The following CAD variants were observed in gnomAD, a reference collection of about 807,000 sequenced individuals.
The protein encoded by CAD is multifunctional protein CAD.
A neutral mutation model predicts 237.2 loss-of-function variants in CAD; 81 were observed. The ratio of observed to expected loss-of-function variants is 0.34; its 90% CI spans 0.29 to 0.41. The LOEUF is 0.41. CAD is among the 10% of genes least tolerant of loss of function. CAD has a pLI of 1.00. For synonymous variants in CAD, 1,196 were observed against 1,162.8 expected, an observed-to-expected ratio of 1.03 and a Z score of -0.58; for missense variants, 2,181 against 2,951.7, an observed-to-expected ratio of 0.74 and a Z score of 6.05.
intron 2 of CAD, 85 bp downstream of exon 2, chr2:27,218,101 G>A: frequency 8.1e-7 from 1 of 1,229,808 alleles, no homozygotes; most frequent in Non-Finnish European, 1.1e-6. Context: ...TTGACACCCT[G>A]CTGGGCATCC....
Position 27,237,610 on chromosome 2 carries a change from C to G in CAD, c.4563+65C>G, listed in dbSNP as rs11682203. ...GCCCCTACCAGCCACCCTTGCTTCC[C>G]TGAGCCCTTTTCCTTCTGCCCCGCC... On this transcript the variant is annotated intron_variant, in intron 28 of 43. Coordinates refer to ENST00000264705, the MANE Select transcript of CAD (RefSeq NM_004341.5). The surrounding 1 kb of genome is among the most constrained non-coding windows in gnomAD (Gnocchi z 4.0). 4 of 1,582,648 alleles carry G rather than the reference C, an allele frequency of 2.5e-6. No homozygotes were observed. The African/African-American group carries it at 5.4e-5, about 21-fold the overall frequency.
At chr2:27,225,264 A>G in intron 11 of CAD, 21 bp downstream of exon 11, 3 of 1,453,438 alleles carry the variant, frequency 2.1e-6, no homozygotes, top group South Asian at 2.3e-5. Flanking sequence ...TGTTTGGGTA[A>G]AGGAAGAATG....
At position 27,232,588 on chromosome 2, in the gene CAD, C is replaced by T. The variant is rs562210626; in HGVS notation, c.2786C>T (p.Thr929Ile). 6.2e-6 allele frequency: 10 copies of T among 1,614,096 alleles called. No individual in the cohort carries two copies. The highest frequency in any genetic ancestry group is 1.1e-5 in the South Asian group (1 of 91,080). Reference protein sequence around the residue: ...LTYWGTTHDLTFRTPHVLVLG... With the variant: ...LTYWGTTHDLIFRTPHVLVLG... ...TATTGGGGCACCACCCATGACCTCA[C>T]CTTTCGAACACCTCATGTCCTAGTC... is the stretch of plus-strand genomic sequence containing the variant. Residue 929 changes from threonine (T) to isoleucine (I), a missense_variant, in exon 18 of 44, where the codon ACC becomes ATC. Thr to Ile is a moderately conservative substitution (Grantham distance 89). Transcript: ENST00000264705. This position sits in a 1 kb window ranked among gnomAD's most constrained non-coding sequence, Gnocchi z 4.1.
rs773583200 is a variant in CAD, at chr2:27,234,017, G to A, written c.3409G>A (p.Val1137Met). Residue 1137 changes from valine (V) to methionine (M), a missense_variant, in exon 22 of 44, where the codon GTG becomes ATG. Val to Met is a conservative substitution (Grantham distance 21). This residue lies in a region of CAD where 306 missense variants were observed against 607.9 expected (regional missense o/e 0.50). Transcript: ENST00000264705. ...KFIQEAKEID[V>M]DAVASDGVVA... The stretch of plus-strand genomic sequence containing the variant: ...TGTGTCCCCCCGCTAGGAGATTGAC[G>A]TGGATGCCGTGGCCTCTGATGGTGT... The A allele has an allele frequency of 1.1e-5, 17 of 1,613,734 alleles. No homozygotes were observed. The highest frequency in any genetic ancestry group is 6.6e-5 in the South Asian group (6 of 91,024).
chr2:27,226,813 C>G lies in CAD; in HGVS notation c.2157-19C>G. Reference sequence around the variant, plus strand: ...GCTTCCTTCACTGTCCTTCTGGCATCCCACCTGCTGGACCCCAGGAACTCT... The same window carrying G: ...GCTTCCTTCACTGTCCTTCTGGCATGCCACCTGCTGGACCCCAGGAACTCT... On this transcript the variant is annotated intron_variant, in intron 14 of 43. Transcript: ENST00000264705. 1 of 1,613,748 alleles carries G rather than the reference C, an allele frequency of 6.2e-7. No individual in the cohort carries two copies. Among genetic ancestry groups the G allele is most frequent in the African/African-American group, 1.3e-5 (1 of 75,056 alleles).
Position 27,241,066 on chromosome 2 carries a change from G to A in CAD, c.5647G>A (p.Gly1883Arg), listed in dbSNP as rs1676293768. ...SRKVAEPELMGTPDGTCYPPP... is the reference protein window; with the variant it reads ...SRKVAEPELMRTPDGTCYPPP... ...CCCATCCCTCACTGCAGAGCTGATG[G>A]GAACCCCTGATGGCACCTGCTACCC... Residue 1883 changes from glycine (G) to arginine (R), a missense_variant, in exon 37 of 44, where the codon GGA (glycine) becomes AGA (arginine). Around this residue, in one of 12 missense-constraint regions of CAD, gnomAD observed 203 missense variants for 284.5 expected, o/e 0.71. Transcript: ENST00000264705. The surrounding 1 kb of genome is among the most constrained non-coding windows in gnomAD (Gnocchi z 4.6). 1.2e-6 allele frequency: 2 copies of A among 1,610,476 alleles called. No homozygotes were observed. Among genetic ancestry groups the A allele is most frequent in the Middle Eastern group, 1.7e-4 (1 of 6,052 alleles).
rs2148097099 is a variant in CAD, at chr2:27,241,455, C to T, written c.5883+59C>T. ...ATCGCCTGCCCTTGGGCCGCATCAG[C>T]GCAGGGCCGCGCAGTGGTCAGAGTG... On this transcript the variant is annotated intron_variant, in intron 38 of 43. Coordinates refer to ENST00000264705, the MANE Select transcript of CAD (RefSeq NM_004341.5). The surrounding 1 kb of genome is among the most constrained non-coding windows in gnomAD (Gnocchi z 4.6). 8.0e-6 allele frequency: 12 copies of T among 1,505,974 alleles called. No individual in the cohort carries two copies. Among genetic ancestry groups the T allele is most frequent in the Non-Finnish European group, 1.0e-5 (11 of 1,082,800 alleles). The allele number at this position is 1,505,974 out of a possible 1,614,324, so 93.3% of individuals were successfully genotyped here. A position where few individuals can be genotyped will look rare whatever the true frequency, so the allele number is the denominator to read the frequency against.
chr2:27,222,849 T>C lies in CAD; in HGVS notation c.638-17T>C, dbSNP rs1558528230. On this transcript the variant is annotated splice_polypyrimidine_tract_variant and intron_variant, in intron 5 of 43. Coordinates refer to ENST00000264705, the MANE Select transcript of CAD (RefSeq NM_004341.5). ...TTGAAATACTGATTTTGATGTCATCTTTTCTGCCCACTCCAGAGTATGAGG... is the reference window on the plus strand; with the variant it reads ...TTGAAATACTGATTTTGATGTCATCCTTTCTGCCCACTCCAGAGTATGAGG... 6.2e-7 allele frequency: 1 copy of C among 1,612,348 alleles called. No homozygotes were observed. The highest frequency in any genetic ancestry group is 8.5e-7 in the Non-Finnish European group (1 of 1,178,606).
rs1188289663 is a variant in CAD at position 27,235,652 on chromosome 2, C to CT, written c.4074+13dup. On this transcript the variant is annotated intron_variant, in intron 25 of 43. Transcript: ENST00000264705. This position sits in a 1 kb window ranked among gnomAD's most constrained non-coding sequence, Gnocchi z 5.2. ...AGCATGGCGTCAAGGTGCAGGAACTCTGGCAACCTACCCCACTGCTGCCCT... is the reference window on the plus strand; with the variant it reads ...AGCATGGCGTCAAGGTGCAGGAACTCTTGGCAACCTACCCCACTGCTGCCCT... The CT allele has an allele frequency of 6.2e-7, 1 of 1,609,442 alleles. No individual in the cohort carries two copies. The highest frequency in any genetic ancestry group is 8.5e-7 in the Non-Finnish European group (1 of 1,175,902).
At chr2:27,228,267 T>C (rs998569423) in intron 15 of CAD, among the ~76,000 whole-genome samples, 24 of 152,324 alleles carry the variant, frequency 1.6e-4, no homozygotes, top group African/African-American at 5.5e-4. Context: ...TCTAGTTAAA[T>C]GAGACTCTGT....
At chr2:27,218,110 C>A in intron 2 of CAD, 94 bp downstream of exon 2, 1 of 1,138,184 alleles carries the variant, frequency 8.8e-7, no homozygotes, top group Non-Finnish European at 1.2e-6. Flanking sequence ...TGCTGGGCAT[C>A]CTGCAGAAAA....
intron 23 of CAD, 138 bp downstream of exon 23, chr2:27,234,823 G>A: frequency 2.4e-6 from 2 of 825,618 alleles, no homozygotes; most frequent in South Asian, 1.8e-5. Context: ...GGTGGTCATT[G>A]TCCCTTAAGA....
rs1572426869 is a variant in CAD, at chr2:27,224,499, T to C, written c.1254+9T>C. 3.1e-6 allele frequency: 5 copies of C among 1,613,312 alleles called. No homozygotes were observed. Among genetic ancestry groups the C allele is most frequent in the Non-Finnish European group, 4.2e-6 (5 of 1,179,500 alleles). On this transcript the variant is annotated intron_variant, in intron 9 of 43. Transcript: ENST00000264705. ...ACTACTCGGGCTCTCAGGTGAGGCATGTTCCTCCCCACCCTTCTGGGCGTG... is the reference window on the plus strand; with the variant it reads ...ACTACTCGGGCTCTCAGGTGAGGCACGTTCCTCCCCACCCTTCTGGGCGTG...
chr2:27,225,035 G>C lies in CAD; in HGVS notation c.1412G>C (p.Gly471Ala). Residue 471 changes from glycine (G) to alanine (A), a missense_variant, in exon 11 of 44, where the codon GGT becomes GCT. Gly to Ala is a moderately conservative substitution (Grantham distance 60). Around this residue, in one of 12 missense-constraint regions of CAD, gnomAD observed 174 missense variants for 215.8 expected, o/e 0.81. Transcript: ENST00000264705. ...TQVIRNERPD[G>A]VLLTFGGQTA... ...GTGATACGTAATGAACGCCCCGATGGTGTGTTACTGACTTTTGGGGGCCAG... is the reference window on the plus strand; with the variant it reads ...GTGATACGTAATGAACGCCCCGATGCTGTGTTACTGACTTTTGGGGGCCAG... 1.2e-6 allele frequency: 2 copies of C among 1,611,652 alleles called. No homozygotes were observed. Among genetic ancestry groups the C allele is most frequent in the Non-Finnish European group, 8.5e-7 (1 of 1,177,904 alleles).
Position 27,242,583 on chromosome 2 carries a change from G to C in CAD, c.6223-37G>C. The C allele has an allele frequency of 6.4e-7, 1 of 1,571,462 alleles. No individual in the cohort carries two copies. The highest frequency in any genetic ancestry group is 8.7e-7 in the Non-Finnish European group (1 of 1,154,700). On this transcript the variant is annotated intron_variant, in intron 40 of 43. Transcript: ENST00000264705. The surrounding 1 kb of genome is among the most constrained non-coding windows in gnomAD (Gnocchi z 6.4). ...TGGAAATGATGTCGGGGGGCACTCA[G>C]TCTGGGATCCCTGTGGTGACTGGAT...
Position 27,217,416 on chromosome 2 carries a change from C to T in CAD, c.-136C>T, listed in dbSNP as rs1370500347. 75 of 774,680 alleles carry T rather than the reference C, an allele frequency of 9.7e-5. 1 individual carries two copies. The East Asian group carries it at 2.0e-3, about 21-fold the overall frequency. 48.0% of individuals were successfully genotyped at this position (774,680 alleles called of 1,614,324 possible). On this transcript the variant is annotated 5_prime_UTR_variant, in exon 1 of 44. Transcript: ENST00000264705. ...CGCGCCCGAGGCTCCTACGCTGCCGCGCCCGGCTTCTCTCCAGCGCCCCGC... is the reference window on the plus strand; with the variant it reads ...CGCGCCCGAGGCTCCTACGCTGCCGTGCCCGGCTTCTCTCCAGCGCCCCGC...
rs149723808 is a variant in CAD at position 27,237,017 on chromosome 2, A to ATTTT, written c.4396+206_4396+209dup. ...TGTCCACAGTGGCCTTGTCTGAGGA[A>ATTTT]TTTTTTTTTTTTTTTTTTTTTTGAG... On this transcript the variant is annotated intron_variant, in intron 27 of 43. Transcript: ENST00000264705. The surrounding 1 kb of genome is among the most constrained non-coding windows in gnomAD (Gnocchi z 4.0). 4.7e-5 allele frequency among the ~76,000 whole-genome samples: 6 copies of ATTTT among 126,526 alleles called. No homozygotes were observed. The highest frequency in any genetic ancestry group is 9.8e-5 in the African/African-American group (3 of 30,750). 83.0% of individuals were successfully genotyped at this position (126,526 alleles called of 152,430 possible).
chr2:27,241,602 G>C lies in CAD; in HGVS notation c.5883+206G>C, dbSNP rs1047735644. ...AGCTGGCTGGGGAGGCCCTGAGCAT[G>C]AGACCATCGCCCCACTAGTGGGGTC... On this transcript the variant is annotated intron_variant, in intron 38 of 43. Transcript: ENST00000264705. The surrounding 1 kb of genome is among the most constrained non-coding windows in gnomAD (Gnocchi z 4.6). 1.3e-5 allele frequency among the ~76,000 whole-genome samples: 2 copies of C among 152,218 alleles called. No individual in the cohort carries two copies. Among genetic ancestry groups the C allele is most frequent in the African/African-American group, 4.8e-5 (2 of 41,454 alleles).
Position 27,236,726 on chromosome 2 carries a change from A to C in CAD, c.4315-23A>C. On this transcript the variant is annotated intron_variant, in intron 26 of 43. Coordinates refer to ENST00000264705, the MANE Select transcript of CAD (RefSeq NM_004341.5). This position sits in a 1 kb window ranked among gnomAD's most constrained non-coding sequence, Gnocchi z 4.1. ...ACTCCCAGGATCACCCTTCCCTTAA[A>C]GCTGACTGCTTTCCACTTGCAGGCC... 1 of 1,612,464 alleles carries C rather than the reference A, an allele frequency of 6.2e-7. No homozygotes were observed. Among genetic ancestry groups the C allele is most frequent in the South Asian group, 1.1e-5 (1 of 91,048 alleles).
Sources: allele counts gnomAD v4.1 joint callset (sites outside exome capture counted in the v4.1 genomes callset), GRCh38; gene constraint gnomAD v4.1.1; regional missense constraint gnomAD v4.1.1; non-coding constraint Gnocchi (gnomAD v3.1); transcripts MANE v1.5; gene names NCBI Gene and HGNC (gene_info 2026-07-23, HGNC 2026-07-21).